The following ARFGEF1 variants were observed in gnomAD, a reference collection of about 807,000 sequenced individuals.
ARFGEF1 encodes the protein brefeldin A-inhibited guanine nucleotide-exchange protein 1.
ARFGEF1 carries 42 observed loss-of-function variants against 231.0 expected under a neutral mutation model. That is an observed-to-expected ratio of 0.18 (90% CI 0.14 to 0.24). The LOEUF is 0.24. Ranked by LOEUF, ARFGEF1 falls within the 10% of genes least tolerant of loss-of-function variation. The probability of loss-of-function intolerance (pLI) is 1.00; values close to 1 mark genes in which losing one functional copy is unlikely to be tolerated. For synonymous variants in ARFGEF1, 710 were observed against 732.3 expected (o/e 0.97, Z 0.49); for missense variants, 1,345 against 2,192.0 (o/e 0.61, Z 7.72).
chr8:67,218,143 G>C lies in ARFGEF1; in HGVS notation c.4339-5C>G. 1 of 1,403,836 alleles carries C rather than the reference G, an allele frequency of 7.1e-7. No individual in the cohort carries two copies. Among genetic ancestry groups the C allele is most frequent in the Non-Finnish European group, 9.3e-7 (1 of 1,071,858 alleles). The allele number at this position is 1,403,836 out of a possible 1,614,324, so 87.0% of individuals were successfully genotyped here. A position where few individuals can be genotyped will look rare whatever the true frequency, so the allele number is the denominator to read the frequency against. ...TGTTGTCATCCATTCAGCTTTCTGG[G>C]GAAAAAAGTCATTAATGAACATCAC... On this transcript the variant is annotated splice_polypyrimidine_tract_variant and splice_region_variant and intron_variant, in intron 30 of 38. Coordinates refer to ENST00000262215, the MANE Select transcript of ARFGEF1 (RefSeq NM_006421.5).
intron 1 of ARFGEF1, among the ~76,000 whole-genome samples, chr8:67,311,412 A>T (rs1410246094): frequency 1.1e-5 from 1 of 89,332 alleles, no homozygotes; most frequent in Non-Finnish European, 2.2e-5. Context: ...TCCGGGAGGG[A>T]GGTGGGGGGT....
intron 25 of ARFGEF1, 104 bp from the exon 26 acceptor site, chr8:67,227,702 T>TA: frequency 7.9e-7 from 1 of 1,258,110 alleles, no homozygotes; most frequent in East Asian, 2.5e-5. Context: ...CATAGATAGG[T>TA]AAATCCTAAG....
chr8:67,291,762 T>A (rs754465262), intron 6 of ARFGEF1, 85 bp downstream of exon 6: 19 of 1,490,316 alleles, frequency 1.3e-5, no homozygotes, highest in Non-Finnish European at 1.6e-5. Context: ...AATCATATTA[T>A]CCTTTCAACA....
chr8:67,272,770 AT>A (rs201781948), intron 9 of ARFGEF1, among the ~76,000 whole-genome samples: 3 of 151,814 alleles, frequency 2.0e-5, no homozygotes, highest in Non-Finnish European at 2.9e-5. Flanking sequence ...CCATTTAAAG[AT>A]TTTTTTTTCT....
chr8:67,318,422 C>T (rs1807427397), intron 1 of ARFGEF1, among the ~76,000 whole-genome samples: 1 of 151,744 alleles, frequency 6.6e-6, no homozygotes, highest in South Asian at 2.1e-4. Context: ...GTGAGGAAAC[C>T]CTCTCATCAT....
intron 1 of ARFGEF1, among the ~76,000 whole-genome samples, chr8:67,321,510 G>C (rs1407334402): frequency 6.6e-6 from 1 of 152,118 alleles, no homozygotes; most frequent in Admixed American, 6.6e-5. Context: ...GCCCAGGCTG[G>C]AGTGCAGTGG....
intron 1 of ARFGEF1, among the ~76,000 whole-genome samples, chr8:67,309,682 T>G (rs184159489): frequency 6.6e-6 from 1 of 152,266 alleles, no homozygotes; most frequent in East Asian, 1.9e-4. Context: ...CCCAGGTGAT[T>G]TGGAGAAAAA....
rs1364117236 is a variant in ARFGEF1, at chr8:67,291,906, G to C, written c.857C>G (p.Ser286Cys). 2.5e-6 allele frequency: 4 copies of C among 1,613,768 alleles called. No homozygotes were observed. The highest frequency in any genetic ancestry group is 2.5e-6 in the Non-Finnish European group (3 of 1,179,870). The change falls in exon 6 of 39, where the codon TCT (serine) becomes TGT (cysteine). Residue 286 changes from serine (S) to cysteine (C), a missense_variant. Ser to Cys is a moderately radical substitution (Grantham distance 112). Coordinates refer to ENST00000262215, the MANE Select transcript of ARFGEF1 (RefSeq NM_006421.5). ...LQDDTEPENG[S>C]DISSAENEQT... ...TTCATTTTCTGCACTGGAAATATCA[G>C]ATCCATTTTCAGGCTCTGTGTCATC...
Position 67,198,139 on chromosome 8 carries a change from G to A in ARFGEF1, c.*795C>T. On this transcript the variant is annotated 3_prime_UTR_variant, in exon 39 of 39. Coordinates refer to ENST00000262215, the MANE Select transcript of ARFGEF1 (RefSeq NM_006421.5). ...ATGTGACAGGTAGTTACTGTCAGTAGGGATATTTTCTACCTTTTTTTCCCT... is the reference window on the plus strand; with the variant it reads ...ATGTGACAGGTAGTTACTGTCAGTAAGGATATTTTCTACCTTTTTTTCCCT... The A allele has an allele frequency of 1.0e-6, 1 of 985,716 alleles. No individual in the cohort carries two copies. The highest frequency in any genetic ancestry group is 1.2e-6 in the Non-Finnish European group (1 of 829,902). The allele number at this position is 985,716 out of a possible 1,614,324, so 61.1% of individuals were successfully genotyped here. A position where few individuals can be genotyped will look rare whatever the true frequency, so the allele number is the denominator to read the frequency against.
chr8:67,232,772 AAT>A (rs1380316321), intron 23 of ARFGEF1, 81 bp downstream of exon 23: 1 of 1,008,784 alleles, frequency 9.9e-7, no homozygotes, highest in African/African-American at 1.6e-5. Context: ...TTTTGGCAAT[AAT>A]ATTTTTCTTT....
chr8:67,298,386 G>A lies in ARFGEF1; in HGVS notation c.459+823C>T, dbSNP rs534102631. On this transcript the variant is annotated intron_variant, in intron 4 of 38. Transcript: ENST00000262215. ...CAAAGGAATTCAATCAAACAAGTACGTTACAGCACAAACTCAGAACAGGGT... is the reference window on the plus strand; with the variant it reads ...CAAAGGAATTCAATCAAACAAGTACATTACAGCACAAACTCAGAACAGGGT... Among the ~76,000 whole-genome samples the A allele has an allele frequency of 5.3e-5, 8 of 152,214 alleles. No individual in the cohort carries two copies. The East Asian group carries it at 5.8e-4, about 11-fold the overall frequency.
At chr8:67,191,003 C>T (rs769631503) in intron 5 of ARFGEF1, among the ~76,000 whole-genome samples, 2 of 152,186 alleles carry the variant, frequency 1.3e-5, no homozygotes, top group Non-Finnish European at 2.9e-5. Flanking sequence ...CTCCTCATCC[C>T]AACCTTCCTT....
chr8:67,220,730 GCTGAGCTCCGTAT>G (rs1021636360), intron 29 of ARFGEF1, among the ~76,000 whole-genome samples: 30 of 152,252 alleles, frequency 2.0e-4, no homozygotes, highest in African/African-American at 7.0e-4. Context: ...TCCTCCATCT[GCTGAGCTCCGTAT>G]CTATTCCCTT....
intron 5 of ARFGEF1, chr8:67,177,585 G>T: frequency 1.3e-6 from 1 of 764,590 alleles, no homozygotes; most frequent in Non-Finnish European, 2.2e-6. Flanking sequence ...GTAATTTCCA[G>T]TAGAGAGCTA....
chr8:67,307,062 A>C (rs1295840077), intron 1 of ARFGEF1, among the ~76,000 whole-genome samples: 1 of 152,258 alleles, frequency 6.6e-6, no homozygotes, highest in Non-Finnish European at 1.5e-5. Flanking sequence ...TACAGGCGTG[A>C]GCCACCACGC....
intron 19 of ARFGEF1, among the ~76,000 whole-genome samples, chr8:67,245,624 G>A (rs1840081259): frequency 1.3e-5 from 2 of 149,680 alleles, no homozygotes; most frequent in Non-Finnish European, 3.0e-5. Context: ...TAAAAAGTAA[G>A]AAATTAAATC....
chr8:67,215,527 C>T (rs1838896601), intron 33 of ARFGEF1, among the ~76,000 whole-genome samples: 1 of 152,124 alleles, frequency 6.6e-6, no homozygotes, highest in African/African-American at 2.4e-5. Flanking sequence ...AACCCTAAAT[C>T]CAATGACTAA....
intron 1 of ARFGEF1, among the ~76,000 whole-genome samples, chr8:67,315,318 G>GTAAA (rs1807259998): frequency 6.6e-6 from 1 of 152,154 alleles, no homozygotes; most frequent in African/African-American, 2.4e-5. Context: ...AGCTGAAGAA[G>GTAAA]TAAACATCCC....
rs771904962 is a variant in ARFGEF1 at position 67,211,611 on chromosome 8, G to A, written c.4691C>T (p.Thr1564Ile). ...AATATCTACAGACTTCTGTGATATT[G>A]TATCCTAATAAATAAAAAAAAAATC... is the stretch of plus-strand genomic sequence containing the variant. ...PSPVSEKPLD[T>I]ISQKSVDIHD... Residue 1564 changes from threonine to isoleucine, a missense_variant, in exon 34 of 39, where the codon ACA (threonine) becomes ATA (isoleucine). Physicochemically the swap from Thr to Ile is moderately conservative, Grantham distance 89 (BLOSUM62 -1). Transcript: ENST00000262215. 1 of 1,460,756 alleles carries A rather than the reference G, an allele frequency of 6.8e-7. No homozygotes were observed. Among genetic ancestry groups the A allele is most frequent in the East Asian group, 2.4e-5 (1 of 41,248 alleles). The allele number at this position is 1,460,756 out of a possible 1,614,324, so 90.5% of individuals were successfully genotyped here. A position where few individuals can be genotyped will look rare whatever the true frequency, so the allele number is the denominator to read the frequency against.
Sources: gnomAD v4.1 joint callset for allele counts (sites outside exome capture counted in the v4.1 genomes callset) on GRCh38, gnomAD v4.1.1 for gene constraint, MANE v1.5 for transcripts, NCBI Gene and HGNC (gene_info 2026-07-23, HGNC 2026-07-21) for gene names.